The following CDH12 variants were observed in gnomAD, a reference collection of about 807,000 sequenced individuals.
CDH12 encodes cadherin 12.
Under a neutral mutation model 74.1 loss-of-function variants are expected in CDH12, and 41 were observed. The ratio of observed to expected loss-of-function variants is 0.55; its 90% CI spans 0.43 to 0.72. CDH12 has a LOEUF of 0.72. CDH12 is among the 30% of genes least tolerant of loss of function. The pLI, the probability that CDH12 is intolerant of heterozygous loss-of-function variation, is 0.00. For missense variants in CDH12, 945 were observed against 977.2 expected (o/e 0.97, Z 0.44); for synonymous variants, 399 against 355.0 (o/e 1.12, Z -1.39).
chr5:22,726,459 T>C (rs1744168618), intron 1 of CDH12, among the ~76,000 whole-genome samples: 1 of 151,778 alleles, frequency 6.6e-6, no homozygotes, highest in African/African-American at 2.4e-5. Flanking sequence ...ACATATTGAT[T>C]ACCTAGGTAA....
intron 4 of CDH12, among the ~76,000 whole-genome samples, chr5:22,192,099 AATTT>A (rs1220058110): frequency 1.3e-5 from 2 of 151,616 alleles, no homozygotes; most frequent in Admixed American, 6.6e-5. Flanking sequence ...ATGCCCAGCT[AATTT>A]TTGTTTTTTT....
chr5:22,467,017 C>T (rs1479201510), intron 2 of CDH12, among the ~76,000 whole-genome samples: 1 of 148,292 alleles, frequency 6.7e-6, no homozygotes, highest in Non-Finnish European at 1.5e-5. Flanking sequence ...TGGATCTCGA[C>T]CTCGTGATCC....
At chr5:22,456,246 G>A (rs112282214) in intron 2 of CDH12, among the ~76,000 whole-genome samples, 494 of 44,572 alleles carry the variant, frequency 0.011, 3 homozygotes, top group African/African-American at 0.029. Flanking sequence ...CTATATATAT[G>A]TGTGTGTGTG....
chr5:22,561,560 T>A (rs1174565770), intron 1 of CDH12, among the ~76,000 whole-genome samples: 1 of 152,152 alleles, frequency 6.6e-6, no homozygotes, highest in Non-Finnish European at 1.5e-5. Flanking sequence ...ATCTTTGGCC[T>A]GGTGGGGATT....
At chr5:21,883,699 G>C in intron 6 of CDH12, 1 of 1,610,230 alleles carries the variant, frequency 6.2e-7, no homozygotes, top group Non-Finnish European at 8.5e-7. Flanking sequence ...CTTGAAAAAC[G>C]TATTCAAGAA....
chr5:22,497,638 C>CTTTTTT (rs747466944), intron 2 of CDH12, among the ~76,000 whole-genome samples: 22 of 83,240 alleles, frequency 2.6e-4, no homozygotes, highest in Non-Finnish European at 3.2e-4. Context: ...TGTCGAATCT[C>CTTTTTT]TTTTTTTTTT....
intron 1 of CDH12, among the ~76,000 whole-genome samples, chr5:22,563,585 C>T (rs908531215): frequency 6.6e-6 from 1 of 152,150 alleles, no homozygotes; most frequent in African/African-American, 2.4e-5. Context: ...AAATTTACCA[C>T]TCTCCCATAT....
At chr5:22,180,499 TTTA>T (rs2150337108) in intron 4 of CDH12, among the ~76,000 whole-genome samples, 1 of 140,178 alleles carries the variant, frequency 7.1e-6, no homozygotes, top group East Asian at 1.9e-4. Flanking sequence ...TTTTTTTTTG[TTTA>T]TTTTTTTATT....
chr5:22,334,443 C>T (rs1739484113), intron 3 of CDH12, among the ~76,000 whole-genome samples: 1 of 151,950 alleles, frequency 6.6e-6, no homozygotes, highest in South Asian at 2.1e-4. Flanking sequence ...AAGCAATCTA[C>T]AGATTCAATG....
At chr5:22,078,380 A>G (rs1742477988) in intron 5 of CDH12, 66 bp downstream of exon 5, 1 of 1,413,014 alleles carries the variant, frequency 7.1e-7, no homozygotes, top group African/African-American at 1.4e-5. Flanking sequence ...CAAAACATCC[A>G]TACAAAATAC....
At chr5:21,760,535 A>C (rs956098353) in intron 13 of CDH12, 23 bp downstream of exon 13, 3 of 1,193,916 alleles carry the variant, frequency 2.5e-6, no homozygotes, top group Middle Eastern at 1.9e-4. Context: ...ATAAGAGGTA[A>C]ATTTTTCTGT....
chr5:22,482,902 T>C (rs1746439270), intron 2 of CDH12, among the ~76,000 whole-genome samples: 1 of 152,174 alleles, frequency 6.6e-6, no homozygotes. Flanking sequence ...AATTCATCCA[T>C]ATGGCCAGTG....
chr5:22,201,694 G>T (rs1750932539), intron 4 of CDH12, among the ~76,000 whole-genome samples: 1 of 152,010 alleles, frequency 6.6e-6, no homozygotes, highest in Non-Finnish European at 1.5e-5. Context: ...GTCCAGTGGG[G>T]GTTTTAATTA....
intron 8 of CDH12, among the ~76,000 whole-genome samples, chr5:21,827,365 T>C (rs934445739): frequency 6.6e-6 from 1 of 152,036 alleles, no homozygotes; most frequent in Non-Finnish European, 1.5e-5. Flanking sequence ...TTTCAGTGAT[T>C]GGAGAGAAAA....
At chr5:22,748,997 A>G (rs531692537) in intron 1 of CDH12, among the ~76,000 whole-genome samples, 1 of 152,310 alleles carries the variant, frequency 6.6e-6, no homozygotes, top group East Asian at 1.9e-4. Flanking sequence ...TGATAGAGAC[A>G]TCATTGATGT....
At chr5:22,050,474 TA>T (rs1168028537) in intron 5 of CDH12, among the ~76,000 whole-genome samples, 2 of 152,190 alleles carry the variant, frequency 1.3e-5, no homozygotes, top group Non-Finnish European at 2.9e-5. Flanking sequence ...CTAATTTAAT[TA>T]AACAAATTTA....
At chr5:22,645,959 A>T (rs1739414060) in intron 1 of CDH12, among the ~76,000 whole-genome samples, 1 of 151,924 alleles carries the variant, frequency 6.6e-6, no homozygotes. Flanking sequence ...GTGGGAAACA[A>T]AAAGGATTTT....
chr5:22,558,049 G>A (rs948116238), intron 1 of CDH12, among the ~76,000 whole-genome samples: 3 of 152,042 alleles, frequency 2.0e-5, no homozygotes, highest in Non-Finnish European at 4.4e-5. Context: ...AAATCATGGG[G>A]AGAATAAAGA....
intron 1 of CDH12, among the ~76,000 whole-genome samples, chr5:22,799,704 C>T (rs1470368121): frequency 2.6e-5 from 4 of 152,064 alleles, no homozygotes; most frequent in Non-Finnish European, 4.4e-5. Context: ...TCAGTACTCC[C>T]CACATTCATT....
Sources: gnomAD v4.1 joint callset for allele counts (sites outside exome capture counted in the v4.1 genomes callset) on GRCh38, gnomAD v4.1.1 for gene constraint, MANE v1.5 for transcripts, NCBI Gene and HGNC (gene_info 2026-07-23, HGNC 2026-07-21) for gene names.